Variants in SI observed in about 807,000 individuals in gnomAD.
SI encodes sucrase-isomaltase.
SI carries 235 observed loss-of-function variants against 253.3 expected under a neutral mutation model. The ratio of observed to expected loss-of-function variants is 0.93; its 90% CI spans 0.83 to 1.03. The LOEUF (loss-of-function observed/expected upper bound fraction) is 1.03, where lower values mean the gene tolerates loss of function less well. Among genes scored for constraint, SI ranks in the 50% least tolerant of loss-of-function variants. SI has a pLI of 0.00. For synonymous variants in SI, 819 were observed against 712.0 expected (o/e 1.15, Z -2.39); for missense variants, 2,442 against 2,211.1 (o/e 1.10, Z -2.09).
intron 3 of SI, among the ~76,000 whole-genome samples, chr3:165,070,242 A>G (rs963837460): frequency 7.0e-6 from 1 of 143,456 alleles, no homozygotes; most frequent in Admixed American, 7.0e-5. Context: ...AAATACACAT[A>G]GTTTTATTTT....
At position 165,018,017 on chromosome 3, in the gene SI, TC is replaced by T; in HGVS notation, c.3472del (p.Glu1158ArgfsTer26). The T allele has an allele frequency of 6.2e-7, 1 of 1,612,036 alleles. No homozygotes were observed. The highest frequency in any genetic ancestry group is 8.5e-7 in the Non-Finnish European group (1 of 1,178,328). ...GFHPYYMALEEEGNAHGVFLL... is the reference protein window; with the variant it reads ...GFHPYYMALEXEGNAHGVFLL... The stretch of plus-strand genomic sequence containing the variant: ...GAAAACACCATGAGCATTGCCCTCC[TC>T]TTCCAGAGCCATGTAATAGGGATGA... On this transcript the variant is annotated frameshift_variant, in exon 29 of 48. Transcript: ENST00000264382. LOFTEE classifies it high-confidence loss of function.
intron 45 of SI, among the ~76,000 whole-genome samples, chr3:164,984,640 A>G (rs1717352917): frequency 6.6e-6 from 1 of 152,148 alleles, no homozygotes; most frequent in Non-Finnish European, 1.5e-5. Context: ...TAAGTAGAAA[A>G]ATTAACATTT....
At chr3:164,985,058 G>C (rs1031332854) in intron 45 of SI, among the ~76,000 whole-genome samples, 2 of 152,068 alleles carry the variant, frequency 1.3e-5, no homozygotes, top group East Asian at 3.8e-4. Flanking sequence ...TTTTATACTT[G>C]CATGAGGAGA....
At chr3:165,009,826 A>C (rs2108160706) in intron 34 of SI, among the ~76,000 whole-genome samples, 2 of 152,176 alleles carry the variant, frequency 1.3e-5, no homozygotes, top group South Asian at 4.2e-4. Flanking sequence ...ACCCTCATCA[A>C]CTGCTTCTTT....
rs765850891 is a variant in SI at position 164,992,388 on chromosome 3, A to G, written c.4851T>C (p.Asp1617=). The change falls in exon 42 of 48, where the codon GAT becomes GAC. Residue 1617 remains aspartate (D), a synonymous_variant. Coordinates refer to ENST00000264382, the MANE Select transcript of SI (RefSeq NM_001041.4). The part of the protein sequence containing the change: ...VIRPLLHEFF[D]EKPTWDIFKQ... ...TGAATATATCCCAGGTTGGTTTTTC[A>G]TCAAAGAACCTCGACAAAATTATCA... is the stretch of plus-strand genomic sequence containing the variant. The G allele has an allele frequency of 6.2e-7, 1 of 1,608,780 alleles. No homozygotes were observed. The highest frequency in any genetic ancestry group is 8.5e-7 in the Non-Finnish European group (1 of 1,176,972).
intron 25 of SI, among the ~76,000 whole-genome samples, chr3:165,026,943 C>T (rs1358266778): frequency 1.3e-5 from 2 of 151,210 alleles, no homozygotes; most frequent in Non-Finnish European, 3.0e-5. Context: ...CAAACCAAAA[C>T]TCAGAAGAAG....
At position 164,999,834 on chromosome 3, in the gene SI, C is replaced by A. The variant is rs184550186; in HGVS notation, c.4407-1161G>T. Reference sequence around the variant, plus strand: ...GTTAAACAGACATAACATATTGAACCATCACTTGCTAATAAAGGCAATATT... The same window carrying A: ...GTTAAACAGACATAACATATTGAACAATCACTTGCTAATAAAGGCAATATT... On this transcript the variant is annotated intron_variant, in intron 37 of 47. Coordinates refer to ENST00000264382, the MANE Select transcript of SI (RefSeq NM_001041.4). 2.9e-3 allele frequency among the ~76,000 whole-genome samples: 436 copies of A among 151,674 alleles called. 5 individuals are homozygous for A. Among genetic ancestry groups the A allele is most frequent in the African/African-American group, 0.01 (418 of 41,496 alleles).
intron 13 of SI, among the ~76,000 whole-genome samples, chr3:165,050,855 G>A (rs539663582): frequency 2.0e-4 from 30 of 151,774 alleles, no homozygotes; most frequent in Non-Finnish European, 3.7e-4. Context: ...TCAGCTTCTT[G>A]AATCCTTCCC....
intron 37 of SI, among the ~76,000 whole-genome samples, chr3:165,005,750 A>G (rs1360920559): frequency 1.3e-5 from 2 of 152,056 alleles, no homozygotes; most frequent in Admixed American, 6.6e-5. Context: ...ATTTCTATAT[A>G]TTTATTTATT....
intron 13 of SI, among the ~76,000 whole-genome samples, chr3:165,053,919 T>A (rs1452966922): frequency 1.3e-5 from 2 of 152,038 alleles, no homozygotes; most frequent in African/African-American, 4.8e-5. Flanking sequence ...TACCAATTGC[T>A]AGTTATTAGT....
chr3:164,990,650 A>G (rs1344120515), intron 44 of SI, among the ~76,000 whole-genome samples: 1 of 152,152 alleles, frequency 6.6e-6, no homozygotes, highest in Non-Finnish European at 1.5e-5. Context: ...CGCAAGGACA[A>G]AAAACCAAAC....
rs541452889 is a variant in SI at position 165,022,425 on chromosome 3, T to C, written c.3100-1042A>G. Among the ~76,000 whole-genome samples, 6 of 92,060 alleles carry C rather than the reference T, an allele frequency of 6.5e-5. No homozygotes were observed. The South Asian group carries it at 1.3e-3, about 19-fold the overall frequency. The allele number at this position is 92,060 out of a possible 152,430, so 60.4% of individuals were successfully genotyped here. A position where few individuals can be genotyped will look rare whatever the true frequency, so the allele number is the denominator to read the frequency against. On this transcript the variant is annotated intron_variant, in intron 26 of 47. Transcript: ENST00000264382. ...TCATTCTAAATTTTATTTTAGCATA[T>C]GATTAAAAACAGACACTTTTTTATA...
At chr3:165,076,051 ATATAAC>A in intron 1 of SI, 39 bp from the exon 2 acceptor site, 1 of 1,315,042 alleles carries the variant, frequency 7.6e-7, no homozygotes. Flanking sequence ...AATGTAAAAT[ATATAAC>A]TATAATAAAC....
intron 25 of SI, among the ~76,000 whole-genome samples, chr3:165,024,985 T>G (rs965015724): frequency 6.6e-6 from 1 of 151,260 alleles, no homozygotes; most frequent in African/African-American, 2.4e-5. Context: ...ATTTGCATAG[T>G]TGATCATTTC....
At chr3:164,995,953 A>G (rs1017629115) in intron 40 of SI, among the ~76,000 whole-genome samples, 1 of 151,718 alleles carries the variant, frequency 6.6e-6, no homozygotes, top group Non-Finnish European at 1.5e-5. Flanking sequence ...TACTTTCCCA[A>G]TATTACAGCT....
chr3:165,055,159 T>A, intron 13 of SI, 35 bp downstream of exon 13: 1 of 1,255,886 alleles, frequency 8.0e-7, no homozygotes, highest in Non-Finnish European at 1.2e-6. Context: ...TCTATGGTCA[T>A]TGACCAAAAC....
intron 40 of SI, among the ~76,000 whole-genome samples, chr3:164,994,783 A>C (rs1340141033): frequency 1.3e-5 from 2 of 151,666 alleles, no homozygotes; most frequent in African/African-American, 4.8e-5. Context: ...AAACATAGAC[A>C]AGCAGAGCAA....
intron 28 of SI, 81 bp downstream of exon 28, chr3:165,019,521 A>ATGG: frequency 7.9e-7 from 1 of 1,258,844 alleles, no homozygotes; most frequent in Non-Finnish European, 1.2e-6. Flanking sequence ...TCAATCCTAA[A>ATGG]GCACAGGCCC....
chr3:165,035,183 G>A (rs549203379), intron 22 of SI, among the ~76,000 whole-genome samples: 3 of 151,912 alleles, frequency 2.0e-5, no homozygotes, highest in African/African-American at 7.2e-5. Context: ...AAATAGAGAA[G>A]TACATAGAAG....
Sources: allele counts gnomAD v4.1 joint callset (sites outside exome capture counted in the v4.1 genomes callset), GRCh38; gene constraint gnomAD v4.1.1; transcripts MANE v1.5; gene names NCBI Gene and HGNC (gene_info 2026-07-23, HGNC 2026-07-21).